GABRB2: variants seen among roughly 807,000 people sequenced by gnomAD.
GABRB2 encodes the protein gamma-aminobutyric acid receptor subunit beta-2.
GABRB2 carries 16 observed loss-of-function variants against 54.7 expected under a neutral mutation model. The observed-to-expected ratio is 0.29, with a 90% CI of 0.20 to 0.44. The LOEUF (loss-of-function observed/expected upper bound fraction) is 0.44, where lower values mean the gene tolerates loss of function less well. GABRB2 is among the 20% of genes least tolerant of loss of function. GABRB2 has a pLI of 1.00. For missense variants in GABRB2, 355 were observed against 644.0 expected, an observed-to-expected ratio of 0.55 and a Z score of 4.86; for synonymous variants, 244 against 233.8, an observed-to-expected ratio of 1.04 and a Z score of -0.40.
At chr5:161,393,159 T>C (rs2113045781) in intron 5 of GABRB2, among the ~76,000 whole-genome samples, 1 of 151,928 alleles carries the variant, frequency 6.6e-6, no homozygotes, top group African/African-American at 2.4e-5. Context: ...AATCACAGGA[T>C]ACCTGATTTC....
intron 3 of GABRB2, among the ~76,000 whole-genome samples, chr5:161,538,346 G>A (rs1033931094): frequency 9.2e-5 from 14 of 152,066 alleles, no homozygotes; most frequent in Admixed American, 7.2e-4. Context: ...GAATAAATAC[G>A]TAAAATATAA....
At chr5:161,471,649 G>A (rs563682471) in intron 3 of GABRB2, among the ~76,000 whole-genome samples, 29 of 151,928 alleles carry the variant, frequency 1.9e-4, no homozygotes, top group Non-Finnish European at 3.8e-4. Context: ...TACCTTCTAG[G>A]TGATAACGGG....
chr5:161,483,227 A>T (rs995309411), intron 3 of GABRB2, among the ~76,000 whole-genome samples: 1 of 151,976 alleles, frequency 6.6e-6, no homozygotes, highest in Non-Finnish European at 1.5e-5. Flanking sequence ...CCAACCTTTT[A>T]TAATTTATAA....
chr5:161,519,566 G>C (rs183043014), intron 3 of GABRB2, among the ~76,000 whole-genome samples: 4 of 152,154 alleles, frequency 2.6e-5, no homozygotes, highest in Non-Finnish European at 4.4e-5. Flanking sequence ...TTTCATATTA[G>C]AGAAATTCAT....
At chr5:161,454,191 A>T (rs1757879181) in intron 4 of GABRB2, among the ~76,000 whole-genome samples, 1 of 152,166 alleles carries the variant, frequency 6.6e-6, no homozygotes, top group African/African-American at 2.4e-5. Flanking sequence ...TTAAATGAAA[A>T]TTATTGAAGG....
At chr5:161,531,055 C>A (rs1760445151) in intron 3 of GABRB2, among the ~76,000 whole-genome samples, 1 of 152,126 alleles carries the variant, frequency 6.6e-6, no homozygotes, top group Admixed American at 6.6e-5. Flanking sequence ...CCTGAAGTTT[C>A]TTTGTCTGTA....
intron 5 of GABRB2, among the ~76,000 whole-genome samples, chr5:161,352,228 G>A (rs899841429): frequency 1.3e-5 from 2 of 151,914 alleles, no homozygotes; most frequent in African/African-American, 4.8e-5. Context: ...ATTGAAATTA[G>A]TATGACAACA....
chr5:161,530,684 T>A (rs1760428787), intron 3 of GABRB2, among the ~76,000 whole-genome samples: 1 of 152,144 alleles, frequency 6.6e-6, no homozygotes, highest in Admixed American at 6.6e-5. Flanking sequence ...TTTCTTGTGG[T>A]CTATAATTCT....
intron 9 of GABRB2, among the ~76,000 whole-genome samples, chr5:161,318,284 G>A (rs114543914): frequency 0.027 from 4,030 of 151,908 alleles, 64 homozygotes; most frequent in Middle Eastern, 0.089. Context: ...ATTTTCTGCC[G>A]TGTTTCATCT....
chr5:161,332,933 G>A (rs745663376), intron 7 of GABRB2, among the ~76,000 whole-genome samples: 7 of 151,722 alleles, frequency 4.6e-5, no homozygotes, highest in South Asian at 2.1e-4. Context: ...TACATTTCTC[G>A]TGTCCTCTTT....
chr5:161,542,251 G>C (rs914775128), intron 3 of GABRB2, among the ~76,000 whole-genome samples: 1 of 152,068 alleles, frequency 6.6e-6, no homozygotes, highest in African/African-American at 2.4e-5. Flanking sequence ...GAAATATTGT[G>C]ATAATTACCA....
At position 161,526,764 on chromosome 5, in the gene GABRB2, G is replaced by A. The variant is rs1041107637; in HGVS notation, c.237+18463C>T. Reference sequence around the variant, plus strand: ...ATAACCATAAAAACTATAAAGTACTGAAGTATAAATTTAACAAGAATTATG... The same window carrying A: ...ATAACCATAAAAACTATAAAGTACTAAAGTATAAATTTAACAAGAATTATG... On this transcript the variant is annotated intron_variant, in intron 3 of 9. Coordinates refer to ENST00000393959, the MANE Select transcript of GABRB2 (RefSeq NM_001371727.1). Among the ~76,000 whole-genome samples the A allele has an allele frequency of 2.0e-5, 3 of 151,294 alleles. 1 individual carries two copies. The South Asian group carries it at 6.2e-4, about 31-fold the overall frequency.
chr5:161,421,251 T>C (rs1250040054), intron 4 of GABRB2, among the ~76,000 whole-genome samples: 1 of 152,100 alleles, frequency 6.6e-6, no homozygotes, highest in Admixed American at 6.6e-5. Flanking sequence ...AGCTGTGGGG[T>C]TGAACAAAGA....
At chr5:161,425,697 A>G (rs542025736) in intron 4 of GABRB2, among the ~76,000 whole-genome samples, 4 of 152,136 alleles carry the variant, frequency 2.6e-5, no homozygotes, top group Middle Eastern at 3.4e-3. Context: ...TATGCCTCAT[A>G]TTTCTATCTG....
chr5:161,306,628 G>C (rs1277207266), intron 9 of GABRB2, among the ~76,000 whole-genome samples: 1 of 152,132 alleles, frequency 6.6e-6, no homozygotes, highest in Non-Finnish European at 1.5e-5. Flanking sequence ...AGTTACATTT[G>C]GTTCTTGAAT....
intron 5 of GABRB2, among the ~76,000 whole-genome samples, chr5:161,405,168 C>T (rs1251864288): frequency 1.3e-5 from 2 of 152,062 alleles, no homozygotes; most frequent in African/African-American, 4.8e-5. Flanking sequence ...TGCCATCCTT[C>T]CTAGCCTCAG....
chr5:161,441,251 C>T (rs1757458321), intron 4 of GABRB2, among the ~76,000 whole-genome samples: 1 of 152,076 alleles, frequency 6.6e-6, no homozygotes. Context: ...ATAAGGAGCT[C>T]AAACAACTCT....
At chr5:161,408,204 C>T (rs1405281583) in intron 5 of GABRB2, among the ~76,000 whole-genome samples, 1 of 152,026 alleles carries the variant, frequency 6.6e-6, no homozygotes, top group Non-Finnish European at 1.5e-5. Flanking sequence ...AAATACAATG[C>T]TCACTGGAGC....
chr5:161,369,529 AGAGG>A (rs1398956772), intron 5 of GABRB2, among the ~76,000 whole-genome samples: 4 of 142,568 alleles, frequency 2.8e-5, no homozygotes, highest in Admixed American at 2.1e-4. Context: ...AGAGAGGAGG[AGAGG>A]GAGAGAGAGA....
Sources: gnomAD v4.1 joint callset for allele counts (sites outside exome capture counted in the v4.1 genomes callset) on GRCh38, gnomAD v4.1.1 for gene constraint, MANE v1.5 for transcripts, NCBI Gene and HGNC (gene_info 2026-07-23, HGNC 2026-07-21) for gene names.